Variants in MED13 observed in about 807,000 individuals in gnomAD.
MED13 encodes the protein mediator complex subunit 13.
In MED13, 23 loss-of-function variants were observed where a neutral mutation model predicts 225.2. The ratio of observed to expected loss-of-function variants is 0.10; its 90% CI spans 0.07 to 0.14. The LOEUF (loss-of-function observed/expected upper bound fraction) is 0.14, where lower values mean the gene tolerates loss of function less well. MED13 is among the 10% of genes least tolerant of loss of function. MED13 has a pLI of 1.00. For missense variants in MED13, 2,197 were observed against 2,594.5 expected (o/e 0.85, Z 3.33); for synonymous variants, 942 against 889.2 (o/e 1.06, Z -1.06).
At chr17:61,963,730 A>G (rs953512094) in intron 20 of MED13, among the ~76,000 whole-genome samples, 6 of 152,170 alleles carry the variant, frequency 3.9e-5, no homozygotes, top group African/African-American at 7.2e-5. Context: ...AGATGAGTGT[A>G]TCAATCTCGA....
chr17:62,057,743 T>C (rs971803990), intron 2 of MED13, among the ~76,000 whole-genome samples: 3 of 152,218 alleles, frequency 2.0e-5, no homozygotes, highest in African/African-American at 7.2e-5. Flanking sequence ...TCTGGTATAA[T>C]AAAACTATCT....
At position 62,022,273 on chromosome 17, in the gene MED13, A is replaced by G. The variant is rs547098302; in HGVS notation, c.1283+7268T>C. 2.6e-5 allele frequency among the ~76,000 whole-genome samples: 4 copies of G among 151,880 alleles called. No individual in the cohort carries two copies. The South Asian group carries it at 8.3e-4, about 32-fold the overall frequency. Reference sequence around the variant, plus strand: ...TAGCAGGAGCTTTGTTAGCTAGTGTATTCTGAGCCTAGGACACCTTCTGTC... The same window carrying G: ...TAGCAGGAGCTTTGTTAGCTAGTGTGTTCTGAGCCTAGGACACCTTCTGTC... On this transcript the variant is annotated intron_variant, in intron 8 of 29. Coordinates refer to ENST00000397786, the MANE Select transcript of MED13 (RefSeq NM_005121.3).
chr17:61,983,285 T>A (rs555423343), intron 15 of MED13, among the ~76,000 whole-genome samples, 171 bp from the exon 16 acceptor site: 22 of 152,268 alleles, frequency 1.4e-4, no homozygotes, highest in African/African-American at 5.3e-4. Context: ...GGTTAACATA[T>A]CTACTCTAAG....
intron 2 of MED13, among the ~76,000 whole-genome samples, chr17:62,059,807 G>A (rs1222795182): frequency 6.6e-6 from 1 of 152,128 alleles, no homozygotes; most frequent in South Asian, 2.1e-4. Context: ...AGATACGTCT[G>A]ATTTAAGTAA....
chr17:62,038,818 C>T (rs1006300315), intron 3 of MED13, among the ~76,000 whole-genome samples: 9 of 150,228 alleles, frequency 6.0e-5, no homozygotes, highest in Non-Finnish European at 1.2e-4. Context: ...TGTGCGCTAC[C>T]ACACCCAGCT....
At chr17:62,026,972 T>C (rs1367644503) in intron 8 of MED13, among the ~76,000 whole-genome samples, 1 of 152,198 alleles carries the variant, frequency 6.6e-6, no homozygotes, top group Non-Finnish European at 1.5e-5. Context: ...TCCATGCTCA[T>C]GGATAGGAAG....
At chr17:61,957,283 T>C (rs2079954707) in intron 23 of MED13, among the ~76,000 whole-genome samples, 2 of 151,600 alleles carry the variant, frequency 1.3e-5, no homozygotes, top group Admixed American at 6.6e-5. Flanking sequence ...CGACCTCAGG[T>C]GATCCTGTCT....
At chr17:62,038,444 T>C (rs1487674768) in intron 3 of MED13, among the ~76,000 whole-genome samples, 1 of 152,100 alleles carries the variant, frequency 6.6e-6, no homozygotes, top group Admixed American at 6.5e-5. Context: ...ATTTTAAAAA[T>C]TATTTTAAAA....
chr17:62,033,896 T>G lies in MED13; in HGVS notation c.705A>C (p.Glu235Asp). The G allele has an allele frequency of 1.2e-6, 2 of 1,614,134 alleles. No homozygotes were observed. Among genetic ancestry groups the G allele is most frequent in the Admixed American group, 3.3e-5 (2 of 60,016 alleles). ...ATGAGATAGGATAGAACTGTTTCCA[T>G]TCACCAATTAATTTTTTTGTAGCTG... The part of the protein sequence containing the change: ...SDSATKKLIG[E>D]WKQFYPISCC... Residue 235 changes from glutamate (E) to aspartate (D), a missense_variant, in exon 5 of 30, where the codon GAA becomes GAC. Glu to Asp is a conservative substitution (Grantham distance 45). This residue lies in a region of MED13 where 884 missense variants were observed against 918.5 expected (regional missense o/e 0.96). Transcript: ENST00000397786.
intron 17 of MED13, among the ~76,000 whole-genome samples, chr17:61,969,689 C>T (rs1211781962): frequency 6.6e-6 from 1 of 152,058 alleles, no homozygotes; most frequent in East Asian, 1.9e-4. Context: ...CCAACCTCCA[C>T]CTCCTGGGTT....
At chr17:62,031,295 GT>G (rs1160022714) in intron 6 of MED13, 148 bp downstream of exon 6, 1 of 664,414 alleles carries the variant, frequency 1.5e-6, no homozygotes, top group Non-Finnish European at 2.4e-6. Context: ...AATAATAACA[GT>G]TTGGAAATAT....
At chr17:61,965,517 G>C (rs368768679) in intron 19 of MED13, 49 bp from the exon 20 acceptor site, 23 of 1,503,732 alleles carry the variant, frequency 1.5e-5, no homozygotes, top group Non-Finnish European at 2.1e-5. Flanking sequence ...TTCACTGACT[G>C]GTTTTTTTAA....
Position 61,965,245 on chromosome 17 carries a change from T to C in MED13, c.4605A>G (p.Thr1535=), listed in dbSNP as rs2080046413. ...SVATANSTLT[T]ASTSSSSSSN... ...AGGATGATGAAGATGAAGTTGAAGC[T>C]GTGGTCAAAGTTGAATTAGCTGTGG... The change falls in exon 20 of 30, where the codon ACA becomes ACG. Residue 1535 remains threonine (T), a synonymous_variant. Coordinates refer to ENST00000397786, the MANE Select transcript of MED13 (RefSeq NM_005121.3). The C allele has an allele frequency of 6.2e-7, 1 of 1,614,002 alleles. No homozygotes were observed. The highest frequency in any genetic ancestry group is 8.5e-7 in the Non-Finnish European group (1 of 1,179,950).
chr17:62,037,820 T>C (rs2143700819), intron 3 of MED13, among the ~76,000 whole-genome samples: 1 of 151,742 alleles, frequency 6.6e-6, no homozygotes, highest in South Asian at 2.1e-4. Flanking sequence ...CTGGGTGTGG[T>C]GGCACACACC....
In MED13 at chr17:62,026,791, C is replaced by T. The variant is rs114794148; in HGVS notation, c.1283+2750G>A. ...AATCACTAGCATCCCTATATACCAA[C>T]AACAGCCAAGATGAGAGCCAAATCA... is the stretch of plus-strand genomic sequence containing the variant. On this transcript the variant is annotated intron_variant, in intron 8 of 29. Transcript: ENST00000397786. Among the ~76,000 whole-genome samples, 383 of 152,186 alleles carry T rather than the reference C, an allele frequency of 2.5e-3. 2 individuals carry two copies. Among genetic ancestry groups the T allele is most frequent in the African/African-American group, 8.5e-3 (351 of 41,524 alleles).
chr17:62,008,317 C>CAAAAAAAA (rs766909961), intron 9 of MED13, among the ~76,000 whole-genome samples: 467 of 33,194 alleles, frequency 0.014, 64 homozygotes, highest in African/African-American at 0.038. Context: ...GGCTCTGTCT[C>CAAAAAAAA]AAAAAAAAAA....
intron 2 of MED13, among the ~76,000 whole-genome samples, chr17:62,057,904 A>G (rs993486164): frequency 2.0e-5 from 3 of 152,180 alleles, no homozygotes; most frequent in Non-Finnish European, 2.9e-5. Flanking sequence ...TAAGATGACA[A>G]ATGGGAGAGG....
chr17:61,959,755 G>A (rs1603391675), intron 23 of MED13, among the ~76,000 whole-genome samples: 1 of 144,994 alleles, frequency 6.9e-6, no homozygotes, highest in African/African-American at 2.6e-5. Context: ...TTGAGACAGG[G>A]TCTTACTCTG....
intron 20 of MED13, 31 bp downstream of exon 20, chr17:61,964,975 T>A: frequency 6.3e-7 from 1 of 1,576,640 alleles, no homozygotes; most frequent in Non-Finnish European, 8.6e-7. Flanking sequence ...AGTTTTTATA[T>A]TTCTGCAAAA....
Sources: gnomAD v4.1 joint callset for allele counts (sites outside exome capture counted in the v4.1 genomes callset) on GRCh38, gnomAD v4.1.1 for gene constraint, gnomAD v4.1.1 regional missense constraint, MANE v1.5 for transcripts, NCBI Gene and HGNC (gene_info 2026-07-23, HGNC 2026-07-21) for gene names.